The following RNF135 variants were observed in gnomAD, a reference collection of about 807,000 sequenced individuals.
RNF135 encodes ring finger protein 135, also known as E3 ubiquitin-protein ligase RNF135.
In RNF135, 46 loss-of-function variants were observed where a neutral mutation model predicts 41.9. That is an observed-to-expected ratio of 1.10 (90% confidence interval 0.87 to 1.40). The LOEUF (loss-of-function observed/expected upper bound fraction) is 1.40, where lower values mean the gene tolerates loss of function less well. RNF135 is among the 40% of genes most tolerant of loss of function. The probability of loss-of-function intolerance (pLI) is 0.00; values close to 1 mark genes in which losing one functional copy is unlikely to be tolerated. For missense variants in RNF135, 539 were observed against 549.8 expected (o/e 0.98, Z 0.20); for synonymous variants, 238 against 223.8 (o/e 1.06, Z -0.57).
upstream of RNF135, among the ~76,000 whole-genome samples, chr17:30,967,323 C>T (rs935607354): frequency 2.0e-5 from 3 of 152,146 alleles, no homozygotes; most frequent in African/African-American, 7.2e-5. Flanking sequence ...AGCCACCGTG[C>T]CTGGGCATAA....
rs866777415 is a variant in RNF135 at position 30,998,754 on chromosome 17, C to G, written c.862C>G (p.Gln288Glu). The change falls in exon 5 of 5, where the codon CAA becomes GAA. Residue 288 changes from glutamine to glutamate, a missense_variant. By Grantham distance (29) the Gln-to-Glu change is conservative. This residue lies in a region of RNF135 where 262 missense variants were observed against 336.9 expected (regional missense o/e 0.78). Transcript: ENST00000328381. ...TACAGTGACTGTGTCTCACCGCCCACAACCCTATCGCTGGAGCTGTGAGAG... is the reference window on the plus strand; with the variant it reads ...TACAGTGACTGTGTCTCACCGCCCAGAACCCTATCGCTGGAGCTGTGAGAG... ...SRTVTVSHRP[Q>E]PYRWSCERFS... 4.3e-6 allele frequency: 7 copies of G among 1,613,490 alleles called. No homozygotes were observed. The African/African-American group carries it at 5.3e-5, about 12-fold the overall frequency.
At chr17:30,969,466 T>G (rs557522065), upstream of RNF135, 1 of 152,354 alleles carries the variant, frequency 6.6e-6, no homozygotes, top group South Asian at 2.1e-4. Flanking sequence ...GCAGGGAGTC[T>G]GCTCATCTTA....
intron 1 of RNF135, among the ~76,000 whole-genome samples, chr17:30,982,387 CTT>C (rs1178761142): frequency 3.9e-5 from 6 of 152,172 alleles, no homozygotes; most frequent in African/African-American, 1.4e-4. Context: ...CCCAGTTTTG[CTT>C]TGTGAAGCGA....
intron 3 of RNF135, 133 bp from the exon 4 acceptor site, chr17:30,997,109 C>A: frequency 2.8e-6 from 2 of 718,246 alleles, no homozygotes; most frequent in South Asian, 1.5e-5. Context: ...TCTGCCTGAT[C>A]CAGTCCTGAC....
chr17:30,969,742 TTTTC>T (rs1341892522), upstream of RNF135, among the ~76,000 whole-genome samples: 123 of 151,188 alleles, frequency 8.1e-4, no homozygotes, highest in East Asian at 4.5e-3. Flanking sequence ...TTTTTCTTTC[TTTTC>T]TTTCTTTTTT....
intron 2 of RNF135, 110 bp downstream of exon 2, chr17:30,984,870 T>C (rs2142708038): frequency 8.3e-7 from 1 of 1,209,586 alleles, no homozygotes; most frequent in South Asian, 1.2e-5. Context: ...TAAGTCTCAA[T>C]CTTTTATTGT....
intron 1 of RNF135, among the ~76,000 whole-genome samples, chr17:30,981,107 C>T (rs1377623282): frequency 8.8e-5 from 13 of 148,210 alleles, no homozygotes; most frequent in East Asian, 4.0e-4. Context: ...TCTGCAATCC[C>T]GGCACCTCGG....
At chr17:30,997,743 G>T (rs1908460362) in intron 4 of RNF135, among the ~76,000 whole-genome samples, 1 of 152,160 alleles carries the variant, frequency 6.6e-6, no homozygotes, top group South Asian at 2.1e-4. Flanking sequence ...ACTCCCAGCA[G>T]CTCCACTAAC....
At chr17:30,983,821 T>C (rs71372247) in intron 1 of RNF135, among the ~76,000 whole-genome samples, 3,575 of 151,988 alleles carry the variant, frequency 0.024, 62 homozygotes, top group Admixed American at 0.04. Context: ...TATCTCACTG[T>C]ATGTTTTGAT....
intron 1 of RNF135, chr17:30,978,527 A>G (rs1906659809): frequency 6.6e-6 from 1 of 152,078 alleles, no homozygotes; most frequent in Non-Finnish European, 1.5e-5. Context: ...ACTCTGATGC[A>G]TTCTTCAGTA....
At chr17:30,972,269 T>G (rs991312024) in intron 1 of RNF135, 1 of 151,928 alleles carries the variant, frequency 6.6e-6, no homozygotes, top group Non-Finnish European at 1.5e-5. Context: ...GCTAATTTTT[T>G]GTATGTTTTT....
At chr17:30,960,131 C>T in the RNF135 span, among the ~76,000 whole-genome samples, 17 of 152,136 alleles carry the variant, frequency 1.1e-4, 1 homozygote, top group South Asian at 3.1e-3. Context: ...CGGTGGCTCA[C>T]GCCTATAATC....
chr17:30,992,775 G>A (rs537758979), intron 3 of RNF135, among the ~76,000 whole-genome samples: 1 of 151,772 alleles, frequency 6.6e-6, no homozygotes, highest in Non-Finnish European at 1.5e-5. Flanking sequence ...TTAATTTTTT[G>A]TTTATTTTTT....
intron 3 of RNF135, among the ~76,000 whole-genome samples, chr17:30,991,422 T>C (rs1330544776): frequency 2.0e-5 from 3 of 151,306 alleles, no homozygotes; most frequent in Non-Finnish European, 4.4e-5. Flanking sequence ...CTCTTTCTTT[T>C]TTTTTTTTTT....
intron 1 of RNF135, among the ~76,000 whole-genome samples, chr17:30,983,868 A>G (rs1376937180): frequency 6.6e-6 from 1 of 151,580 alleles, no homozygotes; most frequent in African/African-American, 2.4e-5. Context: ...TTGAGTGTCT[A>G]TTCATGTGCT....
chr17:30,971,202 C>G lies in RNF135; in HGVS notation c.129C>G (p.His43Gln). The change falls in exon 1 of 5, where the codon CAC becomes CAG. Residue 43 changes from histidine to glutamine, a missense_variant. His to Gln is a conservative substitution (Grantham distance 24). Around this residue, in one of 2 missense-constraint regions of RNF135, gnomAD observed 277 missense variants for 212.8 expected, o/e 1.30. Coordinates refer to ENST00000328381, the MANE Select transcript of RNF135 (RefSeq NM_032322.4). ...TLPCGHSFCR[H>Q]CLEALWGARD... ...CCTGCGGCCACAGCTTCTGCCGCCA[C>G]TGCCTGGAGGCCCTGTGGGGCGCCC... 6.6e-7 allele frequency: 1 copy of G among 1,524,090 alleles called. No homozygotes were observed. The highest frequency in any genetic ancestry group is 2.0e-5 in the Admixed American group (1 of 50,302). The allele number at this position is 1,524,090 out of a possible 1,614,324, so 94.4% of individuals were successfully genotyped here. A position where few individuals can be genotyped will look rare whatever the true frequency, so the allele number is the denominator to read the frequency against.
At position 30,971,460 on chromosome 17, in the gene RNF135, C is replaced by T. The variant is rs1011303199; in HGVS notation, c.372+15C>T. The T allele has an allele frequency of 2.6e-5, 38 of 1,488,224 alleles. No individual in the cohort carries two copies. The highest frequency in any genetic ancestry group is 2.5e-4 in the East Asian group (9 of 36,178). The allele number at this position is 1,488,224 out of a possible 1,614,324, so 92.2% of individuals were successfully genotyped here. ...AACTGCAGCGGGTAGGGAGGCCGGG[C>T]CCGCAGCTCCCCTGGCTCCCCCGGG... On this transcript the variant is annotated intron_variant, in intron 1 of 4. Transcript: ENST00000328381.
intron 2 of RNF135, 132 bp downstream of exon 2, chr17:30,984,892 C>G (rs1053109720): frequency 2.8e-6 from 3 of 1,072,628 alleles, no homozygotes; most frequent in African/African-American, 3.1e-5. Context: ...CTCTTTACTA[C>G]CAGACATGGA....
chr17:30,983,355 T>TGTATATA (rs1567743409), intron 1 of RNF135, among the ~76,000 whole-genome samples: 1 of 31,522 alleles, frequency 3.2e-5, no homozygotes, highest in Non-Finnish European at 7.8e-5. Flanking sequence ...ATATATATAT[T>TGTATATA]TTTTTTTTTT....
Sources: allele counts gnomAD v4.1 joint callset (sites outside exome capture counted in the v4.1 genomes callset), GRCh38; gene constraint gnomAD v4.1.1; regional missense constraint gnomAD v4.1.1; transcripts MANE v1.5; gene names NCBI Gene and HGNC (gene_info 2026-07-23, HGNC 2026-07-21).